Variants in CSMD1 observed in about 807,000 individuals in gnomAD.
CSMD1 encodes the protein CUB and sushi domain-containing protein 1.
In CSMD1, 213 loss-of-function variants were observed where a neutral mutation model predicts 417.5. The ratio of observed to expected loss-of-function variants is 0.51; its 90% CI spans 0.46 to 0.57. CSMD1 has a LOEUF of 0.57. Among genes scored for constraint, CSMD1 ranks in the 20% least tolerant of loss-of-function variants. The pLI is 0.00. For missense variants in CSMD1, 6,923 were observed against 4,529.7 expected (o/e 1.53, Z -15.17); for synonymous variants, 2,862 against 1,736.8 (o/e 1.65, Z -16.11).
intron 1 of CSMD1, among the ~76,000 whole-genome samples, chr8:4,709,116 G>A (rs771850497): frequency 1.2e-4 from 19 of 152,200 alleles, no homozygotes; most frequent in African/African-American, 4.6e-4. Flanking sequence ...TGGAAAAAAT[G>A]TCTTACTCTA....
In CSMD1 at chr8:4,182,275, T is replaced by C. The variant is rs1189823824; in HGVS notation, c.416-150176A>G. 3.3e-5 allele frequency among the ~76,000 whole-genome samples: 5 copies of C among 152,166 alleles called. No individual in the cohort carries two copies. In the East Asian group the frequency reaches 9.6e-4, roughly 29 times the overall value. Reference sequence around the variant, plus strand: ...ATATCTAGATTATCGTTTGCATGATTTGTTTAAAAGAGGGTAAAGTTCTAA... The same window carrying C: ...ATATCTAGATTATCGTTTGCATGATCTGTTTAAAAGAGGGTAAAGTTCTAA... On this transcript the variant is annotated intron_variant, in intron 3 of 69. Coordinates refer to ENST00000635120, the MANE Select transcript of CSMD1 (RefSeq NM_033225.6).
At chr8:4,066,249 C>A (rs1358078213) in intron 3 of CSMD1, among the ~76,000 whole-genome samples, 2 of 152,196 alleles carry the variant, frequency 1.3e-5, no homozygotes, top group African/African-American at 4.8e-5. Context: ...GTCTCCTGTT[C>A]CCACTGCACC....
At chr8:3,903,289 T>C (rs1807885211) in intron 5 of CSMD1, among the ~76,000 whole-genome samples, 1 of 151,248 alleles carries the variant, frequency 6.6e-6, no homozygotes. Flanking sequence ...GTCCCACCCA[T>C]GTGTTTTTAG....
intron 41 of CSMD1, among the ~76,000 whole-genome samples, chr8:3,123,612 A>G (rs1192102869): frequency 6.6e-6 from 1 of 152,060 alleles, no homozygotes; most frequent in Non-Finnish European, 1.5e-5. Context: ...ACGTTAAGAA[A>G]AAAAAACATG....
intron 3 of CSMD1, among the ~76,000 whole-genome samples, chr8:4,162,352 A>T (rs150715262): frequency 7.2e-5 from 11 of 152,290 alleles, no homozygotes; most frequent in Non-Finnish European, 1.5e-4. Flanking sequence ...GCTTGTTTTT[A>T]GGTAATTTTG....
intron 3 of CSMD1, among the ~76,000 whole-genome samples, chr8:4,088,417 C>A (rs1281333716): frequency 1.3e-5 from 2 of 152,202 alleles, no homozygotes; most frequent in Non-Finnish European, 2.9e-5. Context: ...CAGGTTTCCT[C>A]TCCAAACTCA....
Position 4,503,652 on chromosome 8 carries a change from G to A in CSMD1, c.303-83587C>T, listed in dbSNP as rs116053337. ...TCACTGCAACCGAGGCCCAACACATGATTTTTTGCTAACTTGGCCTGATGC... is the reference window on the plus strand; with the variant it reads ...TCACTGCAACCGAGGCCCAACACATAATTTTTTGCTAACTTGGCCTGATGC... On this transcript the variant is annotated intron_variant, in intron 2 of 69. Coordinates refer to ENST00000635120, the MANE Select transcript of CSMD1 (RefSeq NM_033225.6). Among the ~76,000 whole-genome samples, 1,179 of 152,166 alleles carry A rather than the reference G, an allele frequency of 7.7e-3. 21 individuals are homozygous for A. The highest frequency in any genetic ancestry group is 0.027 in the African/African-American group (1,130 of 41,506).
At chr8:3,371,944 T>G (rs1809980460) in intron 18 of CSMD1, among the ~76,000 whole-genome samples, 1 of 152,234 alleles carries the variant, frequency 6.6e-6, no homozygotes, top group Non-Finnish European at 1.5e-5. Context: ...CACCTGCTAT[T>G]GAGCAAGCTC....
intron 65 of CSMD1, among the ~76,000 whole-genome samples, chr8:2,953,475 T>G (rs1356808185): frequency 2.0e-5 from 3 of 150,448 alleles, no homozygotes; most frequent in Non-Finnish European, 3.0e-5. Flanking sequence ...AAAACAGTGT[T>G]AAAACCTGAA....
intron 18 of CSMD1, among the ~76,000 whole-genome samples, chr8:3,385,440 C>G (rs549125515): frequency 9.9e-5 from 15 of 151,752 alleles, no homozygotes; most frequent in African/African-American, 3.1e-4. Flanking sequence ...CAGCCACCTA[C>G]TGAACTGATT....
At chr8:3,709,357 G>T (rs1801363146) in intron 6 of CSMD1, among the ~76,000 whole-genome samples, 1 of 152,090 alleles carries the variant, frequency 6.6e-6, no homozygotes, top group Admixed American at 6.5e-5. Flanking sequence ...TTACAACAGG[G>T]TGGCCCCATG....
At chr8:4,868,704 A>C (rs567307136) in intron 1 of CSMD1, among the ~76,000 whole-genome samples, 2 of 152,198 alleles carry the variant, frequency 1.3e-5, no homozygotes, top group African/African-American at 4.8e-5. Context: ...CTTGGTCGAA[A>C]GTATTTGATG....
At chr8:4,498,117 TGTCCTTTG>T (rs1802068614) in intron 2 of CSMD1, among the ~76,000 whole-genome samples, 2 of 152,196 alleles carry the variant, frequency 1.3e-5, no homozygotes, top group Non-Finnish European at 2.9e-5. Context: ...TAATCCACTT[TGTCCTTTG>T]TGGGACTTAA....
At chr8:3,577,546 G>T (rs561372586) in intron 9 of CSMD1, among the ~76,000 whole-genome samples, 3 of 152,266 alleles carry the variant, frequency 2.0e-5, no homozygotes, top group South Asian at 2.1e-4. Context: ...AGAGATTTGT[G>T]TCTGATTTGT....
chr8:3,627,266 C>A (rs149496976), intron 7 of CSMD1, among the ~76,000 whole-genome samples: 2 of 152,122 alleles, frequency 1.3e-5, no homozygotes, highest in African/African-American at 2.4e-5. Flanking sequence ...GCTGTTCATG[C>A]CCATTTTGAA....
At chr8:4,688,921 C>T (rs900545271) in intron 1 of CSMD1, among the ~76,000 whole-genome samples, 3 of 152,208 alleles carry the variant, frequency 2.0e-5, no homozygotes, top group Non-Finnish European at 2.9e-5. Flanking sequence ...TGTGATTGTC[C>T]ATTAAAGCAT....
In CSMD1 at chr8:3,864,415, G is replaced by T. The variant is rs77208574; in HGVS notation, c.819-110373C>A. On this transcript the variant is annotated intron_variant, in intron 5 of 69. Coordinates refer to ENST00000635120, the MANE Select transcript of CSMD1 (RefSeq NM_033225.6). ...GGTGCAAAGATGAAGGTGAGAAAAA[G>T]CATGAGAAGAAAGGAATACAGTATG... 8.1e-3 allele frequency among the ~76,000 whole-genome samples: 1,239 copies of T among 152,250 alleles called. 12 individuals carry two copies. The highest frequency in any genetic ancestry group is 0.026 in the African/African-American group (1,074 of 41,540).
At chr8:3,647,775 A>T (rs1316072828) in intron 7 of CSMD1, among the ~76,000 whole-genome samples, 1 of 152,224 alleles carries the variant, frequency 6.6e-6, no homozygotes, top group Admixed American at 6.5e-5. Context: ...AGAAAGAGTG[A>T]GAGAAAGAGA....
chr8:4,924,286 G>C (rs368531030), intron 1 of CSMD1, among the ~76,000 whole-genome samples: 1 of 152,134 alleles, frequency 6.6e-6, no homozygotes, highest in African/African-American at 2.4e-5. Flanking sequence ...ATTTTACTAA[G>C]ATATTTTCAT....
Sources: gnomAD v4.1 joint callset for allele counts (sites outside exome capture counted in the v4.1 genomes callset) on GRCh38, gnomAD v4.1.1 for gene constraint, MANE v1.5 for transcripts, NCBI Gene and HGNC (gene_info 2026-07-23, HGNC 2026-07-21) for gene names.